The following CCDC144A variants were observed in gnomAD, a reference collection of about 807,000 sequenced individuals.
CCDC144A encodes coiled-coil domain containing 144A.
In CCDC144A, 41 loss-of-function variants were observed where a neutral mutation model predicts 143.8. That is an observed-to-expected ratio of 0.29 (90% CI 0.22 to 0.37). CCDC144A has a LOEUF of 0.37. CCDC144A is among the 10% of genes least tolerant of loss of function. CCDC144A has a pLI of 1.00. For synonymous variants in CCDC144A, 242 were observed against 517.9 expected (o/e 0.47, Z 7.23); for missense variants, 637 against 1,488.8 (o/e 0.43, Z 9.41).
At chr17:16,759,533 T>C (rs1242436820) in intron 12 of CCDC144A, among the ~76,000 whole-genome samples, 5 of 151,710 alleles carry the variant, frequency 3.3e-5, no homozygotes, top group Admixed American at 6.6e-5. Flanking sequence ...ATCTCTTGCA[T>C]TGGTTTTACT....
upstream of CCDC144A, among the ~76,000 whole-genome samples, chr17:16,685,937 AT>A (rs35158544): frequency 0.054 from 6,664 of 124,112 alleles, 276 homozygotes; most frequent in African/African-American, 0.13. Context: ...ACATCTGGCT[AT>A]TTTTTTTTTT....
intron 12 of CCDC144A, among the ~76,000 whole-genome samples, chr17:16,759,344 G>A (rs1852381): frequency 6.7e-6 from 1 of 150,326 alleles, no homozygotes; most frequent in Non-Finnish European, 1.5e-5. Flanking sequence ...CACATATCAT[G>A]TCATTACTCA....
intron 12 of CCDC144A, among the ~76,000 whole-genome samples, chr17:16,750,214 TTGTG>T (rs1914725786): frequency 1.3e-5 from 2 of 152,054 alleles, no homozygotes; most frequent in Admixed American, 1.3e-4. Flanking sequence ...AGGTGTGTTT[TTGTG>T]GTAGTGGGTA....
At chr17:16,693,318 TTTTTTTTG>T (rs906057057) in intron 2 of CCDC144A, among the ~76,000 whole-genome samples, 2 of 145,116 alleles carry the variant, frequency 1.4e-5, no homozygotes, top group African/African-American at 5.7e-5. Context: ...GAAAAAGTGT[TTTTTTTTG>T]TTTTTTTTTT....
At chr17:16,703,595 G>A (rs1911857008) in intron 2 of CCDC144A, among the ~76,000 whole-genome samples, 1 of 152,174 alleles carries the variant, frequency 6.6e-6, no homozygotes, top group Non-Finnish European at 1.5e-5. Context: ...ACGAGGTCAG[G>A]AGATCGAGAC....
chr17:16,742,819 G>A (rs1914320902), intron 12 of CCDC144A, among the ~76,000 whole-genome samples: 1 of 151,984 alleles, frequency 6.6e-6, no homozygotes, highest in Admixed American at 6.5e-5. Flanking sequence ...TGTTAGTGAT[G>A]TTGAGTACTT....
In CCDC144A at chr17:16,777,480, A is replaced by T. The variant is rs1916041028; in HGVS notation, c.*3847A>T. 7.0e-6 allele frequency: 1 copy of T among 143,334 alleles called. No individual in the cohort carries two copies. The highest frequency in any genetic ancestry group is 7.0e-5 in the Admixed American group (1 of 14,286). 8.9% of individuals were successfully genotyped at this position (143,334 alleles called of 1,614,324 possible). On this transcript the variant is annotated 3_prime_UTR_variant, in exon 17 of 17. Transcript: ENST00000399273. ...GATAGGGCACAAAACAAGTCTCAGT[A>T]AATTTAAGAAAATCAGAATTATATC...
chr17:16,702,270 C>T (rs1911778674), intron 2 of CCDC144A, among the ~76,000 whole-genome samples: 1 of 152,206 alleles, frequency 6.6e-6, no homozygotes, highest in Admixed American at 6.5e-5. Flanking sequence ...TCTTCTTAAG[C>T]TTCTCACTGA....
chr17:16,713,557 G>GATTT (rs1036493382), intron 6 of CCDC144A, among the ~76,000 whole-genome samples: 2 of 152,118 alleles, frequency 1.3e-5, no homozygotes, highest in African/African-American at 4.8e-5. Context: ...AGAATTAGAT[G>GATTT]ATTTTTATCA....
chr17:16,773,220 A>T (rs1407230665), intron 16 of CCDC144A, among the ~76,000 whole-genome samples: 13 of 151,952 alleles, frequency 8.6e-5, no homozygotes, highest in Non-Finnish European at 1.5e-4. Context: ...AGCCTGAGGC[A>T]GGCAGATCAC....
chr17:16,679,143 G>A, the CCDC144A span, among the ~76,000 whole-genome samples: 4 of 151,870 alleles, frequency 2.6e-5, no homozygotes, highest in Non-Finnish European at 4.4e-5. Flanking sequence ...GGCCTCAAGT[G>A]ATTTTCTCCA....
chr17:16,762,959 G>A (rs1482022609), intron 14 of CCDC144A, among the ~76,000 whole-genome samples: 1 of 146,188 alleles, frequency 6.8e-6, no homozygotes, highest in Non-Finnish European at 1.5e-5. Flanking sequence ...GACGACAGCT[G>A]AAAACAGAAA....
At chr17:16,724,436 G>T (rs1204677336) in intron 8 of CCDC144A, among the ~76,000 whole-genome samples, 2 of 151,688 alleles carry the variant, frequency 1.3e-5, no homozygotes, top group South Asian at 2.1e-4. Context: ...CGTGAACCCG[G>T]GAGGCGGAGC....
intron 12 of CCDC144A, among the ~76,000 whole-genome samples, chr17:16,756,405 C>G (rs1217993288): frequency 9.9e-5 from 15 of 151,766 alleles, no homozygotes; most frequent in Non-Finnish European, 1.6e-4. Context: ...TGCCAACATT[C>G]TCAGTTGTTT....
chr17:16,668,348 G>C, the CCDC144A span, among the ~76,000 whole-genome samples: 1 of 152,068 alleles, frequency 6.6e-6, no homozygotes, highest in Non-Finnish European at 1.5e-5. Flanking sequence ...CCATATTTAA[G>C]TTTATTTTCC....
At chr17:16,707,433 T>C (rs190702253) in intron 3 of CCDC144A, 36 bp from the exon 4 acceptor site, 203 of 1,329,172 alleles carry the variant, frequency 1.5e-4, no homozygotes, top group African/African-American at 1.2e-3. Context: ...TATCTAACTG[T>C]TCTAAGTAGT....
intron 6 of CCDC144A, among the ~76,000 whole-genome samples, chr17:16,715,540 A>G (rs1912700853): frequency 6.6e-6 from 1 of 152,172 alleles, no homozygotes; most frequent in South Asian, 2.1e-4. Flanking sequence ...GATCAAAGGA[A>G]TTACATAGTT....
intron 2 of CCDC144A, among the ~76,000 whole-genome samples, chr17:16,697,883 C>T (rs997991763): frequency 1.3e-5 from 2 of 152,132 alleles, no homozygotes; most frequent in Admixed American, 1.3e-4. Context: ...TCAGATGATT[C>T]TCAGGTTTCT....
the CCDC144A span, among the ~76,000 whole-genome samples, chr17:16,682,283 C>T: frequency 1.0e-4 from 15 of 149,932 alleles, no homozygotes; most frequent in Admixed American, 1.0e-3. Flanking sequence ...CAGACAGATA[C>T]AGAGAGAACT....
Sources: gnomAD v4.1 joint callset for allele counts (sites outside exome capture counted in the v4.1 genomes callset) on GRCh38, gnomAD v4.1.1 for gene constraint, MANE v1.5 for transcripts, NCBI Gene and HGNC (gene_info 2026-07-23, HGNC 2026-07-21) for gene names.